EXOC4: variants seen among roughly 807,000 people sequenced by gnomAD.
The protein encoded by EXOC4 is exocyst complex component 4.
In EXOC4, 71 loss-of-function variants were observed where a neutral mutation model predicts 107.2. That is an observed-to-expected ratio of 0.66 (90% CI 0.55 to 0.81). The LOEUF is 0.81. EXOC4 is among the 30% of genes least tolerant of loss of function. The pLI is 0.00. For missense variants in EXOC4, 1,108 were observed against 1,189.6 expected (o/e 0.93, Z 1.01); for synonymous variants, 456 against 441.2 (o/e 1.03, Z -0.42).
intron 10 of EXOC4, among the ~76,000 whole-genome samples, chr7:133,805,664 G>C (rs1322092043): frequency 2.0e-5 from 3 of 152,170 alleles, no homozygotes; most frequent in Non-Finnish European, 2.9e-5. Flanking sequence ...ACAAGTGACA[G>C]TCAGGAAGGA....
chr7:134,051,478 C>G (rs568989939), intron 17 of EXOC4, among the ~76,000 whole-genome samples: 1 of 152,204 alleles, frequency 6.6e-6, no homozygotes, highest in South Asian at 2.1e-4. Context: ...CAAGACCAGC[C>G]TGGCCAAGAT....
At chr7:133,457,024 G>C (rs1798478377) in intron 7 of EXOC4, among the ~76,000 whole-genome samples, 1 of 152,138 alleles carries the variant, frequency 6.6e-6, no homozygotes, top group African/African-American at 2.4e-5. Context: ...CTTTTCGTGG[G>C]CAATACCTAA....
chr7:133,269,775 T>C (rs1363120464), intron 1 of EXOC4, among the ~76,000 whole-genome samples: 1 of 152,168 alleles, frequency 6.6e-6, no homozygotes, highest in South Asian at 2.1e-4. Context: ...TAAAACCTCT[T>C]TCTGTTTGGA....
intron 7 of EXOC4, among the ~76,000 whole-genome samples, chr7:133,451,420 G>C (rs954324820): frequency 1.3e-5 from 2 of 151,846 alleles, no homozygotes; most frequent in African/African-American, 2.4e-5. Context: ...CTCTAAATGG[G>C]ATTTCAAATT....
At chr7:133,509,787 T>C (rs1799732643) in intron 9 of EXOC4, among the ~76,000 whole-genome samples, 1 of 152,220 alleles carries the variant, frequency 6.6e-6, no homozygotes, top group Non-Finnish European at 1.5e-5. Flanking sequence ...GCATTGTCTG[T>C]CTTTGTTAAT....
At chr7:133,602,380 G>A (rs780024988) in intron 9 of EXOC4, among the ~76,000 whole-genome samples, 3 of 152,138 alleles carry the variant, frequency 2.0e-5, no homozygotes, top group Non-Finnish European at 4.4e-5. Context: ...TAAAGTTCTG[G>A]CTCTTTTCCC....
At chr7:134,008,635 G>A (rs1237899275) in intron 17 of EXOC4, among the ~76,000 whole-genome samples, 3 of 151,810 alleles carry the variant, frequency 2.0e-5, no homozygotes, top group Non-Finnish European at 4.4e-5. Flanking sequence ...TCTTCTCTAA[G>A]TTTTCTGATC....
intron 10 of EXOC4, among the ~76,000 whole-genome samples, chr7:133,680,344 A>ATAT: frequency 6.6e-6 from 1 of 152,172 alleles, no homozygotes; most frequent in African/African-American, 2.4e-5. Context: ...TATAGTTAAC[A>ATAT]CTTAAAAATA....
chr7:133,871,507 C>T (rs924363024), intron 11 of EXOC4, among the ~76,000 whole-genome samples: 6 of 152,164 alleles, frequency 3.9e-5, no homozygotes, highest in Non-Finnish European at 2.9e-5. Flanking sequence ...CAACCTTACA[C>T]GTTTTCCCCC....
At chr7:133,412,402 G>C (rs996399821) in intron 7 of EXOC4, among the ~76,000 whole-genome samples, 1 of 144,204 alleles carries the variant, frequency 6.9e-6, no homozygotes, top group East Asian at 2.1e-4. Context: ...ATATATTTGG[G>C]TATTTTAATA....
intron 7 of EXOC4, among the ~76,000 whole-genome samples, chr7:133,462,821 A>T (rs1034325941): frequency 2.0e-5 from 3 of 152,202 alleles, no homozygotes; most frequent in Non-Finnish European, 2.9e-5. Context: ...GAAACAGGAA[A>T]TAAAACTTTA....
At chr7:133,642,417 C>A (rs975369155) in intron 10 of EXOC4, among the ~76,000 whole-genome samples, 2 of 152,148 alleles carry the variant, frequency 1.3e-5, no homozygotes, top group African/African-American at 4.8e-5. Flanking sequence ...CACCTCTGAT[C>A]TTCATCCTAT....
chr7:133,281,545 T>C (rs13242614), intron 2 of EXOC4, among the ~76,000 whole-genome samples: 8,558 of 152,014 alleles, frequency 0.056, 328 homozygotes, highest in Middle Eastern at 0.085. Context: ...TCATTTACTA[T>C]CCTTGACTCA....
intron 17 of EXOC4, among the ~76,000 whole-genome samples, chr7:134,055,826 G>C (rs927599482): frequency 6.6e-6 from 1 of 152,120 alleles, no homozygotes; most frequent in Non-Finnish European, 1.5e-5. Context: ...GCCTGGATTA[G>C]ATTTTAAAAA....
At chr7:133,362,021 T>C (rs1157285268) in intron 6 of EXOC4, among the ~76,000 whole-genome samples, 1 of 152,230 alleles carries the variant, frequency 6.6e-6, no homozygotes, top group Non-Finnish European at 1.5e-5. Flanking sequence ...TCTTTACATA[T>C]ATAGGAAATT....
At chr7:133,983,576 G>A (rs1446537465) in intron 14 of EXOC4, among the ~76,000 whole-genome samples, 1 of 151,798 alleles carries the variant, frequency 6.6e-6, no homozygotes, top group African/African-American at 2.4e-5. Flanking sequence ...CAGTGAATAA[G>A]CCGTTCCCTA....
chr7:133,926,059 A>AAG (rs1554421882), intron 13 of EXOC4, among the ~76,000 whole-genome samples: 2,048 of 150,868 alleles, frequency 0.014, 55 homozygotes, highest in African/African-American at 0.047. Context: ...AAAAAAAAAA[A>AAG]AAGAAGAAAA....
At chr7:133,878,768 A>G (rs948617846) in intron 11 of EXOC4, among the ~76,000 whole-genome samples, 4 of 151,996 alleles carry the variant, frequency 2.6e-5, no homozygotes, top group South Asian at 2.1e-4. Flanking sequence ...GTGTTGCCCA[A>G]TCTGGAGTGC....
At chr7:133,624,336 C>T (rs916081967) in intron 9 of EXOC4, among the ~76,000 whole-genome samples, 8 of 152,126 alleles carry the variant, frequency 5.3e-5, no homozygotes, top group African/African-American at 1.9e-4. Flanking sequence ...GTACTCCCTA[C>T]TACTTTGGGA....
Sources: gnomAD v4.1 joint callset for allele counts (sites outside exome capture counted in the v4.1 genomes callset) on GRCh38, gnomAD v4.1.1 for gene constraint, MANE v1.5 for transcripts, NCBI Gene and HGNC (gene_info 2026-07-23, HGNC 2026-07-21) for gene names.